CA1: variants seen among roughly 807,000 people sequenced by gnomAD.
The protein encoded by CA1 is carbonate dehydratase I.
Under a neutral mutation model 28.8 loss-of-function variants are expected in CA1, and 27 were observed. That is an observed-to-expected ratio of 0.94 (90% CI 0.69 to 1.29). The LOEUF (loss-of-function observed/expected upper bound fraction) is 1.29, where lower values mean the gene tolerates loss of function less well. Among genes scored for constraint, CA1 ranks in the 50% most tolerant of loss-of-function variants. The pLI, the probability that CA1 is intolerant of heterozygous loss-of-function variation, is 0.00. For missense variants in CA1, 335 were observed against 310.5 expected (o/e 1.08, Z -0.59); for synonymous variants, 121 against 108.8 (o/e 1.11, Z -0.70).
rs762045264 is a variant in CA1, at chr8:85,328,404, C to T, written c.*156G>A. The T allele has an allele frequency of 9.5e-6, 5 of 527,856 alleles. No individual in the cohort carries two copies. The highest frequency in any genetic ancestry group is 1.9e-5 in the African/African-American group (1 of 52,494). 32.7% of individuals were successfully genotyped at this position (527,856 alleles called of 1,614,324 possible). On this transcript the variant is annotated 3_prime_UTR_variant, in exon 8 of 8. Transcript: ENST00000523022. ...TATTATTTGAATTAAGCAGTAAGAA[C>T]TAAAATTTAAGTTTCTTAGTTTTAC...
chr8:85,373,132 T>G (rs573056594), intron 1 of CA1, among the ~76,000 whole-genome samples: 1 of 152,298 alleles, frequency 6.6e-6, no homozygotes, highest in African/African-American at 2.4e-5. Context: ...AAAAAGAAAT[T>G]CGTGCTAGTG....
intron 1 of CA1, among the ~76,000 whole-genome samples, chr8:85,359,367 G>A (rs1470474768): frequency 1.3e-5 from 2 of 152,354 alleles, no homozygotes; most frequent in Admixed American, 6.5e-5. Flanking sequence ...TTTGATTGGA[G>A]TGGAGTATGG....
chr8:85,359,206 C>G (rs536222803), intron 1 of CA1, among the ~76,000 whole-genome samples: 1 of 152,304 alleles, frequency 6.6e-6, no homozygotes, highest in South Asian at 2.1e-4. Context: ...GCCATATTCT[C>G]TTAATGGTTT....
At chr8:85,359,435 G>T (rs907361868) in intron 1 of CA1, among the ~76,000 whole-genome samples, 2 of 152,196 alleles carry the variant, frequency 1.3e-5, no homozygotes, top group Non-Finnish European at 2.9e-5. Context: ...CGGTGGATGA[G>T]TCCTAGGGAA....
At chr8:85,338,563 T>G (rs2130189981) in intron 2 of CA1, 114 bp from the exon 3 acceptor site, 1 of 807,068 alleles carries the variant, frequency 1.2e-6, no homozygotes, top group Non-Finnish European at 2.2e-6. Flanking sequence ...GTGTATTAAA[T>G]GATATTCTCT....
At chr8:85,377,785 C>T (rs1169564770) in intron 1 of CA1, among the ~76,000 whole-genome samples, 1 of 150,762 alleles carries the variant, frequency 6.6e-6, no homozygotes, top group Non-Finnish European at 1.5e-5. Flanking sequence ...CCTAGGCTGC[C>T]AAGTGAGACT....
chr8:85,365,091 C>T (rs895798980), intron 1 of CA1, among the ~76,000 whole-genome samples: 3 of 152,208 alleles, frequency 2.0e-5, no homozygotes, highest in Non-Finnish European at 2.9e-5. Flanking sequence ...GTTGGAGATA[C>T]AGCTGAGCTG....
At chr8:85,329,973 A>G (rs914732575) in intron 6 of CA1, 129 bp from the exon 7 acceptor site, 3 of 778,408 alleles carry the variant, frequency 3.9e-6, no homozygotes, top group East Asian at 2.7e-5. Context: ...TGATTTTTCT[A>G]CTATTTAGTA....
chr8:85,338,003 A>G (rs1808731670), intron 3 of CA1: 1 of 635,260 alleles, frequency 1.6e-6, no homozygotes, highest in African/African-American at 1.8e-5. Flanking sequence ...GCATACAGAT[A>G]CTGGAATGAC....
intron 1 of CA1, chr8:85,349,851 G>A (rs1809338474): frequency 6.6e-6 from 1 of 152,134 alleles, no homozygotes; most frequent in Non-Finnish European, 1.5e-5. Flanking sequence ...TCAGCCTACA[G>A]GATGGAACAA....
intron 4 of CA1, among the ~76,000 whole-genome samples, chr8:85,336,494 T>C (rs1415062948): frequency 1.3e-5 from 2 of 152,212 alleles, no homozygotes; most frequent in African/African-American, 4.8e-5. Flanking sequence ...TGTATGCTGT[T>C]CTGTGACCAT....
At chr8:85,368,955 G>GT (rs1810116574) in intron 1 of CA1, among the ~76,000 whole-genome samples, 1 of 152,032 alleles carries the variant, frequency 6.6e-6, no homozygotes, top group Non-Finnish European at 1.5e-5. Context: ...GGGGTCATGG[G>GT]TTTTTTCCAG....
In CA1 at chr8:85,375,518, G is replaced by GA. The variant is rs11297305; in HGVS notation, c.-25+2527dup. Among the ~76,000 whole-genome samples, 1,333 of 143,644 alleles carry GA rather than the reference G, an allele frequency of 9.3e-3. 9 individuals carry two copies. Among genetic ancestry groups the GA allele is most frequent in the South Asian group, 0.023 (106 of 4,588 alleles). 94.2% of individuals were successfully genotyped at this position (143,644 alleles called of 152,430 possible). Reference sequence around the variant, plus strand: ...ATACCTGTTTTTTTCCTTTTCTTTTGAAAAAAAAAAAAGATTAGAACAAAT... The same window carrying GA: ...ATACCTGTTTTTTTCCTTTTCTTTTGAAAAAAAAAAAAAGATTAGAACAAAT... On this transcript the variant is annotated intron_variant, in intron 1 of 7. Coordinates refer to ENST00000523022, the MANE Select transcript of CA1 (RefSeq NM_001128831.4).
At chr8:85,344,266 A>AT (rs1809073088) in intron 1 of CA1, among the ~76,000 whole-genome samples, 2 of 76,296 alleles carry the variant, frequency 2.6e-5, no homozygotes, top group African/African-American at 1.1e-4. Flanking sequence ...TACAGTATAT[A>AT]ATATATAATT....
chr8:85,339,843 G>A (rs1303806), intron 2 of CA1, among the ~76,000 whole-genome samples: 113,751 of 152,226 alleles, frequency 0.75, 43,383 homozygotes, highest in African/African-American at 0.87. Flanking sequence ...CCCTTAAGCC[G>A]AATCCTAATG....
intron 1 of CA1, chr8:85,343,006 A>G (rs1480877839): frequency 6.6e-6 from 1 of 152,172 alleles, no homozygotes; most frequent in Non-Finnish European, 1.5e-5. Flanking sequence ...GCATAAGAAG[A>G]TATTGCTTAA....
intron 1 of CA1, among the ~76,000 whole-genome samples, chr8:85,375,053 C>T (rs1810359933): frequency 6.6e-6 from 1 of 152,128 alleles, no homozygotes; most frequent in Non-Finnish European, 1.5e-5. Flanking sequence ...TTATATAAAA[C>T]ATATGATTGT....
intron 1 of CA1, among the ~76,000 whole-genome samples, chr8:85,376,850 G>A (rs1434153327): frequency 6.6e-6 from 1 of 151,910 alleles, no homozygotes; most frequent in African/African-American, 2.4e-5. Flanking sequence ...ACCTAATTAG[G>A]TCCCTGACCC....
At chr8:85,350,985 C>T (rs1809389565) in intron 1 of CA1, among the ~76,000 whole-genome samples, 1 of 152,218 alleles carries the variant, frequency 6.6e-6, no homozygotes, top group South Asian at 2.1e-4. Context: ...GTCTCAGGCT[C>T]CAAGAGTCCT....
Sources: allele counts gnomAD v4.1 joint callset (sites outside exome capture counted in the v4.1 genomes callset), GRCh38; gene constraint gnomAD v4.1.1; transcripts MANE v1.5; gene names NCBI Gene and HGNC (gene_info 2026-07-23, HGNC 2026-07-21).